GAS7: variants seen among roughly 807,000 people sequenced by gnomAD.
GAS7 encodes growth arrest-specific protein 7.
A neutral mutation model predicts 71.1 loss-of-function variants in GAS7; 28 were observed. That is an observed-to-expected ratio of 0.39 (90% CI 0.29 to 0.54). GAS7 has a LOEUF of 0.54. Ranked by LOEUF, GAS7 falls within the 20% of genes least tolerant of loss-of-function variation. The pLI is 0.62. For synonymous variants in GAS7, 258 were observed against 245.8 expected (o/e 1.05, Z -0.46); for missense variants, 436 against 627.8 (o/e 0.69, Z 3.27).
intron 8 of GAS7, among the ~76,000 whole-genome samples, chr17:9,939,875 T>C (rs1224124321): frequency 6.6e-6 from 1 of 152,202 alleles, no homozygotes; most frequent in African/African-American, 2.4e-5. Flanking sequence ...CCCAAAGTGC[T>C]GGGATAATGG....
chr17:10,059,764 G>C, intron 1 of GAS7: 1 of 984,850 alleles, frequency 1.0e-6, no homozygotes. Flanking sequence ...CACATCCGCT[G>C]CTTCCCCGTG....
intron 1 of GAS7, among the ~76,000 whole-genome samples, chr17:10,148,893 G>A (rs1308499301): frequency 1.8e-5 from 2 of 112,982 alleles, no homozygotes; most frequent in African/African-American, 4.0e-5. Flanking sequence ...CTGGGCGACA[G>A]AGAAAGACTC....
intron 1 of GAS7, among the ~76,000 whole-genome samples, chr17:10,094,768 A>G (rs1241827493): frequency 2.6e-5 from 4 of 151,826 alleles, no homozygotes; most frequent in Non-Finnish European, 1.5e-5. Context: ...GCGCCCGGCC[A>G]CTCTCTGGAT....
chr17:9,925,180 C>A (rs902495046), intron 11 of GAS7, among the ~76,000 whole-genome samples: 1 of 124,068 alleles, frequency 8.1e-6, no homozygotes. Context: ...GGGGCTTGGG[C>A]GGAAAACAAA....
At chr17:9,948,481 G>A (rs1415343467) in intron 5 of GAS7, among the ~76,000 whole-genome samples, 5 of 152,172 alleles carry the variant, frequency 3.3e-5, no homozygotes, top group African/African-American at 7.2e-5. Context: ...TCAGGAGTTC[G>A]AGACCAGCCT....
At chr17:10,170,794 G>T (rs1261120049) in intron 1 of GAS7, among the ~76,000 whole-genome samples, 6 of 152,322 alleles carry the variant, frequency 3.9e-5, no homozygotes, top group Admixed American at 6.5e-5. Context: ...CTGCTGAAAG[G>T]TTCCAATGAG....
intron 1 of GAS7, among the ~76,000 whole-genome samples, chr17:10,122,943 C>T (rs764291568): frequency 7.9e-5 from 12 of 152,140 alleles, no homozygotes; most frequent in Non-Finnish European, 1.6e-4. Flanking sequence ...GCAATCCTCC[C>T]ACCTCAGCCT....
chr17:10,104,560 T>A (rs1459583721), intron 1 of GAS7, among the ~76,000 whole-genome samples: 2 of 152,160 alleles, frequency 1.3e-5, no homozygotes, highest in Non-Finnish European at 2.9e-5. Flanking sequence ...CTACCTATCA[T>A]CCCTATGCTG....
chr17:10,071,778 TAAAC>T (rs549214229), intron 1 of GAS7, among the ~76,000 whole-genome samples: 25 of 149,770 alleles, frequency 1.7e-4, no homozygotes, highest in Non-Finnish European at 3.4e-4. Context: ...ATAATAATAA[TAAAC>T]AAAAATTAGC....
intron 1 of GAS7, among the ~76,000 whole-genome samples, chr17:10,119,121 G>C (rs970837162): frequency 2.0e-4 from 30 of 152,198 alleles, no homozygotes; most frequent in African/African-American, 7.2e-4. Context: ...GCTCCAGCAT[G>C]AGGTGGGAAT....
At chr17:9,979,911 C>T (rs180954121) in intron 3 of GAS7, among the ~76,000 whole-genome samples, 159 of 151,740 alleles carry the variant, frequency 1.0e-3, no homozygotes, top group Non-Finnish European at 2.0e-3. Flanking sequence ...AGCCAGTGGG[C>T]TCAGAACTGC....
At position 9,943,201 on chromosome 17, in the gene GAS7, C is replaced by A; in HGVS notation, c.651G>T (p.Val217=). 1 of 1,613,322 alleles carries A rather than the reference C, an allele frequency of 6.2e-7. No individual in the cohort carries two copies. The highest frequency in any genetic ancestry group is 2.2e-5 in the East Asian group (1 of 44,868). The change falls in exon 7 of 14, where the codon GTG becomes GTT. Residue 217 remains valine, a synonymous_variant. Transcript: ENST00000432992. ...TCTGGAGCAGTAGTTCAAACCCAGC[C>A]ACGGTGCCGTTGCCTTGGGGGTCCT... ...DKKDPQGNGT[V]AGFELLLQKQ...
chr17:10,099,691 G>A (rs1417122882), intron 1 of GAS7, among the ~76,000 whole-genome samples: 9 of 152,140 alleles, frequency 5.9e-5, no homozygotes, highest in African/African-American at 2.2e-4. Context: ...TTTTGAAAGG[G>A]AAGCTGAATC....
At chr17:9,982,865 G>GAAAGAAAGAAAGA (rs1567853374) in intron 2 of GAS7, among the ~76,000 whole-genome samples, 2 of 147,542 alleles carry the variant, frequency 1.4e-5, no homozygotes, top group African/African-American at 2.6e-5. Context: ...AAGAAAGAAA[G>GAAAGAAAGAAAGA]AAAGCAAAGA....
At chr17:10,114,286 A>G (rs971938477) in intron 1 of GAS7, among the ~76,000 whole-genome samples, 7 of 152,106 alleles carry the variant, frequency 4.6e-5, no homozygotes, top group African/African-American at 1.7e-4. Flanking sequence ...GAGTGGGCCC[A>G]GGTTACCAGA....
chr17:10,054,417 C>T (rs893522900), intron 1 of GAS7, among the ~76,000 whole-genome samples: 6 of 152,044 alleles, frequency 3.9e-5, no homozygotes, highest in East Asian at 1.9e-4. Flanking sequence ...TAGAGCATCT[C>T]GTTTTTGCAA....
intron 2 of GAS7, among the ~76,000 whole-genome samples, chr17:10,008,011 A>C (rs1255524085): frequency 2.0e-5 from 3 of 152,256 alleles, no homozygotes; most frequent in African/African-American, 7.2e-5. Flanking sequence ...TCTTTGACTT[A>C]CTGTGATGTT....
chr17:10,162,045 C>T (rs550923191), intron 1 of GAS7, among the ~76,000 whole-genome samples: 23 of 125,226 alleles, frequency 1.8e-4, no homozygotes, highest in South Asian at 1.0e-3. Context: ...CCAGCCTGGG[C>T]GACAGAGCAA....
At chr17:10,136,937 G>T (rs1254530519) in intron 1 of GAS7, among the ~76,000 whole-genome samples, 4 of 152,026 alleles carry the variant, frequency 2.6e-5, no homozygotes. Context: ...GCATGGGAAA[G>T]ATGGCGAAAC....
Sources: gnomAD v4.1 joint callset for allele counts (sites outside exome capture counted in the v4.1 genomes callset) on GRCh38, gnomAD v4.1.1 for gene constraint, MANE v1.5 for transcripts, NCBI Gene and HGNC (gene_info 2026-07-23, HGNC 2026-07-21) for gene names.